Variants in LCE1F observed in about 807,000 individuals in gnomAD.
LCE1F encodes late cornified envelope protein 1F.
For missense variants in LCE1F, 154 were observed against 153.5 expected (o/e 1.00, Z -0.02); for synonymous variants, 67 against 59.9 (o/e 1.12, Z -0.55).
Position 152,776,784 on chromosome 1 carries a change from CT to C in LCE1F, c.*58del. On this transcript the variant is annotated 3_prime_UTR_variant, in exon 2 of 2. Coordinates refer to ENST00000334371, the MANE Select transcript of LCE1F (RefSeq NM_178354.3). ...AGAGGCATGAAAGGGGCAACTTCATCTTCCTTGGGACTGACTGTGTTGCTGG... is the reference window on the plus strand; with the variant it reads ...AGAGGCATGAAAGGGGCAACTTCATCTCCTTGGGACTGACTGTGTTGCTGG... 6.7e-7 allele frequency: 1 copy of C among 1,499,404 alleles called. No homozygotes were observed. Among genetic ancestry groups the C allele is most frequent in the Non-Finnish European group, 8.9e-7 (1 of 1,119,366 alleles). 92.9% of individuals were successfully genotyped at this position (1,499,404 alleles called of 1,614,324 possible). A position where few individuals can be genotyped will look rare whatever the true frequency, so the allele number is the denominator to read the frequency against.
chr1:152,776,582 G>A lies in LCE1F; in HGVS notation c.211G>A (p.Gly71Arg), dbSNP rs147235580. 2.5e-6 allele frequency: 4 copies of A among 1,613,554 alleles called. No individual in the cohort carries two copies. The highest frequency in any genetic ancestry group is 2.2e-5 in the East Asian group (1 of 44,876). The change falls in exon 2 of 2, where the codon GGG becomes AGG. Residue 71 changes from glycine to arginine, a missense_variant. Gly to Arg is a moderately radical substitution (Grantham distance 125). Transcript: ENST00000334371. Reference sequence around the variant, plus strand: ...TGGGGGTGGTGGCTGCTGCAGCTCTGGGGGAGGCGGCTGTTGCCTGAGCCA... The same window carrying A: ...TGGGGGTGGTGGCTGCTGCAGCTCTAGGGGAGGCGGCTGTTGCCTGAGCCA... ...SSGGGGCCSS[G>R]GGGCCLSHHR...
At chr1:152,775,478 G>C (rs1651552646) in intron 1 of LCE1F, among the ~76,000 whole-genome samples, 1 of 152,238 alleles carries the variant, frequency 6.6e-6, no homozygotes, top group East Asian at 1.9e-4. Context: ...TGTTTCTCTG[G>C]TTTTAGAGAA....
rs781644957 is a variant in LCE1F, at chr1:152,776,673, C to G, written c.302C>G (p.Ala101Gly). The G allele has an allele frequency of 1.8e-5, 29 of 1,598,654 alleles. No individual in the cohort carries two copies. Among genetic ancestry groups the G allele is most frequent in the Non-Finnish European group, 2.2e-5 (26 of 1,171,778 alleles). Residue 101 changes from alanine (A) to glycine (G), a missense_variant, in exon 2 of 2, where the codon GCG becomes GGG. Physicochemically the swap from Ala to Gly is moderately conservative, Grantham distance 60. Coordinates refer to ENST00000334371, the MANE Select transcript of LCE1F (RefSeq NM_178354.3). ...TCTGACTGCTGCAGCCAGCCCTCAGCGGGCTCCAGCTGCTGCGGAGGGGGC... is the reference window on the plus strand; with the variant it reads ...TCTGACTGCTGCAGCCAGCCCTCAGGGGGCTCCAGCTGCTGCGGAGGGGGC... ...QSSDCCSQPSAGSSCCGGGSG... is the reference protein window; with the variant it reads ...QSSDCCSQPSGGSSCCGGGSG...
intron 1 of LCE1F, among the ~76,000 whole-genome samples, chr1:152,775,625 C>A (rs1420766603): frequency 6.6e-6 from 1 of 152,274 alleles, no homozygotes; most frequent in African/African-American, 2.4e-5. Context: ...TCAAAGACAC[C>A]TGTGGATCTT....
At chr1:152,775,921 C>A (rs1233464090) in intron 1 of LCE1F, among the ~76,000 whole-genome samples, 1 of 149,272 alleles carries the variant, frequency 6.7e-6, no homozygotes, top group Non-Finnish European at 1.5e-5. Context: ...TTTCTGCAAA[C>A]TGAAATATAT....
intron 1 of LCE1F, among the ~76,000 whole-genome samples, chr1:152,775,671 T>C (rs1283762653): frequency 2.6e-5 from 4 of 152,140 alleles, no homozygotes; most frequent in African/African-American, 9.7e-5. Flanking sequence ...AGTGGAAAAC[T>C]GAGTGCACAC....
Position 152,776,500 on chromosome 1 carries a change from C to T in LCE1F, c.129C>T (p.Cys43=), listed in dbSNP as rs1427936870. 6.9e-6 allele frequency: 11 copies of T among 1,598,900 alleles called. No individual in the cohort carries two copies. Among genetic ancestry groups the T allele is most frequent in the Admixed American group, 1.7e-5 (1 of 58,608 alleles). ...CPPKCPPVSS[C]CSVSSGGCCG... is the part of the protein sequence containing the mutation. Reference sequence around the variant, plus strand: ...CTAAGTGCCCTCCTGTCTCTTCCTGCTGCAGCGTCAGCTCCGGAGGCTGCT... The same window carrying T: ...CTAAGTGCCCTCCTGTCTCTTCCTGTTGCAGCGTCAGCTCCGGAGGCTGCT... Residue 43 remains cysteine, a synonymous_variant, in exon 2 of 2, where the codon TGC becomes TGT. Transcript: ENST00000334371.
rs924783699 is a variant in LCE1F, at chr1:152,775,803, A to T, written c.-22-547A>T. 1.3e-5 allele frequency among the ~76,000 whole-genome samples: 2 copies of T among 152,248 alleles called. 1 individual carries two copies. The highest frequency in any genetic ancestry group is 4.1e-4 in the South Asian group (2 of 4,820). ...GAACAAATGTGACTGTTAATGAATA[A>T]CTTTGGGCCAGTGAAGTTACCTCTT... On this transcript the variant is annotated intron_variant, in intron 1 of 1. Transcript: ENST00000334371.
In LCE1F at chr1:152,776,371, G is replaced by C; in HGVS notation, c.-1G>C. The stretch of plus-strand genomic sequence containing the variant: ...TCAGCTCCTGAACACCCGCCACCGA[G>C]ATGTCTTGCCAGCAGAGCCAGCAGC... On this transcript the variant is annotated 5_prime_UTR_variant, in exon 2 of 2. Coordinates refer to ENST00000334371, the MANE Select transcript of LCE1F (RefSeq NM_178354.3). 6.2e-7 allele frequency: 1 copy of C among 1,613,974 alleles called. No individual in the cohort carries two copies. The highest frequency in any genetic ancestry group is 8.5e-7 in the Non-Finnish European group (1 of 1,179,928).
At chr1:152,775,315 T>C (rs998073331) in intron 1 of LCE1F, among the ~76,000 whole-genome samples, 125 bp downstream of exon 1, 1 of 151,892 alleles carries the variant, frequency 6.6e-6, no homozygotes, top group Non-Finnish European at 1.5e-5. Context: ...GGGCCTGGAA[T>C]TGTGATTGGC....
At chr1:152,775,852 A>T (rs559860985) in intron 1 of LCE1F, among the ~76,000 whole-genome samples, 2 of 152,216 alleles carry the variant, frequency 1.3e-5, no homozygotes, top group East Asian at 3.9e-4. Flanking sequence ...CTTTATTTAT[A>T]TATTGAGTTG....
At chr1:152,775,777 G>A (rs12239774) in intron 1 of LCE1F, among the ~76,000 whole-genome samples, 41,460 of 152,050 alleles carry the variant, frequency 0.27, 6,876 homozygotes, top group Non-Finnish European at 0.39. Context: ...AGGGGACCCC[G>A]GAACAAATGT....
At chr1:152,775,968 T>TTTTTTTTTTTTTTTTG (rs1482952458) in intron 1 of LCE1F, among the ~76,000 whole-genome samples, 1 of 152,146 alleles carries the variant, frequency 6.6e-6, no homozygotes, top group African/African-American at 2.4e-5. Flanking sequence ...GATTTTTCCT[T>TTTTTTTTTTTTTTTTG]AAAGAGATTT....
At chr1:152,775,832 G>C (rs756209983) in intron 1 of LCE1F, among the ~76,000 whole-genome samples, 1 of 152,124 alleles carries the variant, frequency 6.6e-6, no homozygotes, top group Non-Finnish European at 1.5e-5. Context: ...ACCTCTTTTG[G>C]CTTCAGTTTC....
rs148988311 is a variant in LCE1F, at chr1:152,776,394, A to G, written c.23A>G (p.Gln8Arg). 1.9e-4 allele frequency: 304 copies of G among 1,612,914 alleles called. 1 individual carries two copies. Among genetic ancestry groups the G allele is most frequent in the Non-Finnish European group, 8.5e-6 (10 of 1,179,830 alleles). The change falls in exon 2 of 2, where the codon CAG (glutamine) becomes CGG (arginine). Residue 8 changes from glutamine (Q) to arginine (R), a missense_variant. Transcript: ENST00000334371. Reference protein sequence around the residue: MSCQQSQQQCQPPPKCTP... With the variant: MSCQQSQRQCQPPPKCTP... ...GAGATGTCTTGCCAGCAGAGCCAGC[A>G]GCAGTGCCAGCCCCCTCCCAAGTGC...
In LCE1F at chr1:152,776,238, A is replaced by G. The variant is rs184668442; in HGVS notation, c.-22-112A>G. On this transcript the variant is annotated intron_variant, in intron 1 of 1. Coordinates refer to ENST00000334371, the MANE Select transcript of LCE1F (RefSeq NM_178354.3). ...TAAAAACATTAGAGGTGATTTTCCT[A>G]TGTTTGATATAAGGCTTTCAAAATG... 62 of 929,060 alleles carry G rather than the reference A, an allele frequency of 6.7e-5. 1 individual carries two copies. In the Middle Eastern group the frequency reaches 1.7e-3, roughly 25 times the overall value. The allele number at this position is 929,060 out of a possible 1,614,324, so 57.6% of individuals were successfully genotyped here.
In LCE1F at chr1:152,776,577, G is replaced by A. The variant is rs1651611262; in HGVS notation, c.206G>A (p.Ser69Asn). 6.2e-7 allele frequency: 1 copy of A among 1,613,852 alleles called. No individual in the cohort carries two copies. Among genetic ancestry groups the A allele is most frequent in the Non-Finnish European group, 8.5e-7 (1 of 1,179,876 alleles). ...CCSSGGGGCC[S>N]SGGGGCCLSH... The stretch of plus-strand genomic sequence containing the variant: ...AGCTCTGGGGGTGGTGGCTGCTGCA[G>A]CTCTGGGGGAGGCGGCTGTTGCCTG... The change falls in exon 2 of 2, where the codon AGC becomes AAC. Residue 69 changes from serine to asparagine, a missense_variant. Coordinates refer to ENST00000334371, the MANE Select transcript of LCE1F (RefSeq NM_178354.3).
Position 152,776,770 on chromosome 1 carries a change from A to G in LCE1F, c.*42A>G. The G allele has an allele frequency of 6.6e-7, 1 of 1,511,844 alleles. No homozygotes were observed. Among genetic ancestry groups the G allele is most frequent in the Non-Finnish European group, 8.8e-7 (1 of 1,130,200 alleles). 93.7% of individuals were successfully genotyped at this position (1,511,844 alleles called of 1,614,324 possible). Reference sequence around the variant, plus strand: ...AAAAGAGCAGATTTAGAGGCATGAAAGGGGCAACTTCATCTTCCTTGGGAC... The same window carrying G: ...AAAAGAGCAGATTTAGAGGCATGAAGGGGGCAACTTCATCTTCCTTGGGAC... On this transcript the variant is annotated 3_prime_UTR_variant, in exon 2 of 2. Transcript: ENST00000334371.
rs878899804 is a variant in LCE1F, at chr1:152,776,359, A to T, written c.-13A>T. The stretch of plus-strand genomic sequence containing the variant: ...TCTGACCCTCCTTCAGCTCCTGAAC[A>T]CCCGCCACCGAGATGTCTTGCCAGC... On this transcript the variant is annotated 5_prime_UTR_variant, in exon 2 of 2. Transcript: ENST00000334371. The T allele has an allele frequency of 6.2e-7, 1 of 1,606,856 alleles. No individual in the cohort carries two copies. Among genetic ancestry groups the T allele is most frequent in the South Asian group, 1.1e-5 (1 of 90,684 alleles).
Sources: gnomAD v4.1 joint callset for allele counts (sites outside exome capture counted in the v4.1 genomes callset) on GRCh38, gnomAD v4.1.1 for gene constraint, MANE v1.5 for transcripts, NCBI Gene and HGNC (gene_info 2026-07-23, HGNC 2026-07-21) for gene names.